MALRD1: variants seen among roughly 807,000 people sequenced by gnomAD.
MALRD1 encodes the protein MAM and LDL receptor class A domain containing 1.
A neutral mutation model predicts 242.1 loss-of-function variants in MALRD1; 247 were observed. The observed-to-expected ratio is 1.02, with a 90% CI of 0.92 to 1.13. The LOEUF (loss-of-function observed/expected upper bound fraction) is 1.13. MALRD1 is among the 50% of genes most tolerant of loss of function. The pLI, the probability that MALRD1 is intolerant of heterozygous loss-of-function variation, is 0.00. For missense variants in MALRD1, 2,989 were observed against 2,533.1 expected, an observed-to-expected ratio of 1.18 and a Z score of -3.86; for synonymous variants, 995 against 866.6, an observed-to-expected ratio of 1.15 and a Z score of -2.60.
chr10:19,349,263 A>G (rs951968819), intron 25 of MALRD1, among the ~76,000 whole-genome samples: 1 of 152,166 alleles, frequency 6.6e-6, no homozygotes, highest in African/African-American at 2.4e-5. Context: ...GCCCAGCCCA[A>G]CTTACACTTC....
chr10:19,692,100 A>T (rs1833096985), intron 36 of MALRD1, among the ~76,000 whole-genome samples, 182 bp from the exon 37 acceptor site: 2 of 152,158 alleles, frequency 1.3e-5, no homozygotes, highest in African/African-American at 2.4e-5. Flanking sequence ...CAATGATATG[A>T]AAATAATACA....
intron 31 of MALRD1, among the ~76,000 whole-genome samples, chr10:19,504,508 C>G (rs967614138): frequency 8.5e-5 from 13 of 152,074 alleles, no homozygotes; most frequent in Admixed American, 4.6e-4. Context: ...CCAGCACTCC[C>G]TCACATGATT....
At chr10:19,651,870 T>A (rs1840909519) in intron 36 of MALRD1, among the ~76,000 whole-genome samples, 1 of 152,122 alleles carries the variant, frequency 6.6e-6, no homozygotes. Context: ...AGAGGAAGAA[T>A]TTTGTTTTTC....
chr10:19,202,847 A>C (rs1836603282), intron 14 of MALRD1, among the ~76,000 whole-genome samples: 1 of 152,202 alleles, frequency 6.6e-6, no homozygotes, highest in African/African-American at 2.4e-5. Flanking sequence ...TGCGGAAAGA[A>C]TCTTAGCCTA....
chr10:19,383,159 A>T (rs1164008010), intron 26 of MALRD1, among the ~76,000 whole-genome samples: 1 of 152,130 alleles, frequency 6.6e-6, no homozygotes, highest in Non-Finnish European at 1.5e-5. Context: ...CCAGGTAATC[A>T]ACATAGTACC....
At chr10:19,248,250 G>A (rs557306321) in intron 18 of MALRD1, among the ~76,000 whole-genome samples, 1 of 152,008 alleles carries the variant, frequency 6.6e-6, no homozygotes, top group South Asian at 2.1e-4. Context: ...AGTTTCAAAA[G>A]CAGGTATTAT....
intron 25 of MALRD1, among the ~76,000 whole-genome samples, chr10:19,349,370 T>C (rs1414753727): frequency 3.9e-5 from 6 of 152,206 alleles, no homozygotes; most frequent in African/African-American, 2.4e-5. Context: ...TATTAATACA[T>C]GTTAAACTTT....
At chr10:19,048,027 G>A (rs1590355000), upstream of MALRD1, among the ~76,000 whole-genome samples, 1 of 152,278 alleles carries the variant, frequency 6.6e-6, no homozygotes, top group East Asian at 1.9e-4. Context: ...ATAAGATTAT[G>A]TAATTATTAT....
chr10:19,407,157 C>T (rs140116479), intron 28 of MALRD1, among the ~76,000 whole-genome samples: 12 of 152,222 alleles, frequency 7.9e-5, no homozygotes, highest in African/African-American at 2.9e-4. Flanking sequence ...CTTGTAACCA[C>T]CATATACTAC....
intron 29 of MALRD1, among the ~76,000 whole-genome samples, chr10:19,454,046 T>G (rs894930176): frequency 2.0e-5 from 3 of 151,858 alleles, no homozygotes; most frequent in Non-Finnish European, 4.4e-5. Context: ...GGTAACAGAG[T>G]CAGACCCTGT....
At chr10:19,351,440 G>A (rs192172193) in intron 25 of MALRD1, among the ~76,000 whole-genome samples, 1 of 152,246 alleles carries the variant, frequency 6.6e-6, no homozygotes, top group Admixed American at 6.5e-5. Context: ...AGGCCCATTT[G>A]TAGCATTTCA....
intron 17 of MALRD1, among the ~76,000 whole-genome samples, chr10:19,208,170 C>T (rs891416902): frequency 2.0e-5 from 3 of 151,972 alleles, no homozygotes; most frequent in African/African-American, 7.3e-5. Context: ...TGCTGTAAGA[C>T]TCTTCCTAAG....
At chr10:19,586,865 A>T (rs915417614) in intron 33 of MALRD1, among the ~76,000 whole-genome samples, 1 of 152,188 alleles carries the variant, frequency 6.6e-6, no homozygotes, top group Non-Finnish European at 1.5e-5. Flanking sequence ...CTGCTGCGTT[A>T]GCAATCAGCG....
At position 19,183,653 on chromosome 10, in the gene MALRD1, T is replaced by C. The variant is rs550755096; in HGVS notation, c.1951+8325T>C. Among the ~76,000 whole-genome samples the C allele has an allele frequency of 7.4e-4, 113 of 152,318 alleles. 1 individual carries two copies. The highest frequency in any genetic ancestry group is 1.6e-3 in the Admixed American group (25 of 15,300). On this transcript the variant is annotated intron_variant, in intron 14 of 39. Transcript: ENST00000454679. ...CGGGTTATTAAGTTTGCTAAAAATT[T>C]AGGTCTTCAGTGCCTTGAAATATTT...
chr10:19,565,770 A>C (rs1836224134), intron 32 of MALRD1, among the ~76,000 whole-genome samples: 1 of 152,212 alleles, frequency 6.6e-6, no homozygotes, highest in Non-Finnish European at 1.5e-5. Flanking sequence ...TAAAGGATCA[A>C]CATTAAAAGT....
chr10:19,718,674 A>C (rs991358934), intron 38 of MALRD1, among the ~76,000 whole-genome samples: 1 of 152,188 alleles, frequency 6.6e-6, no homozygotes, highest in African/African-American at 2.4e-5. Flanking sequence ...TCTTTAAAGC[A>C]TGACTTGAAA....
At chr10:19,284,519 G>A (rs1390268844) in intron 21 of MALRD1, among the ~76,000 whole-genome samples, 4 of 149,760 alleles carry the variant, frequency 2.7e-5, no homozygotes, top group African/African-American at 9.9e-5. Context: ...TTTTGTTCTT[G>A]CGATAGTTTA....
chr10:19,631,282 A>G (rs898365406), intron 36 of MALRD1, among the ~76,000 whole-genome samples: 1 of 152,162 alleles, frequency 6.6e-6, no homozygotes, highest in African/African-American at 2.4e-5. Flanking sequence ...ACTAAGGATG[A>G]TGGCCTCCAG....
intron 19 of MALRD1, among the ~76,000 whole-genome samples, chr10:19,272,907 A>C (rs1475839112): frequency 6.6e-6 from 1 of 152,172 alleles, no homozygotes; most frequent in African/African-American, 2.4e-5. Context: ...TATATGTGCC[A>C]CATTTTCTTT....
Sources: gnomAD v4.1 joint callset for allele counts (sites outside exome capture counted in the v4.1 genomes callset) on GRCh38, gnomAD v4.1.1 for gene constraint, MANE v1.5 for transcripts, NCBI Gene and HGNC (gene_info 2026-07-23, HGNC 2026-07-21) for gene names.